BMP6: variants seen among roughly 807,000 people sequenced by gnomAD.
The protein encoded by BMP6 is bone morphogenetic protein 6.
BMP6 carries 17 observed loss-of-function variants against 54.1 expected under a neutral mutation model. The ratio of observed to expected loss-of-function variants is 0.31; its 90% CI spans 0.22 to 0.47. The LOEUF (loss-of-function observed/expected upper bound fraction) is 0.47, where lower values mean the gene tolerates loss of function less well. Ranked by LOEUF, BMP6 falls within the 20% of genes least tolerant of loss-of-function variation. The pLI is 1.00. For synonymous variants in BMP6, 328 were observed against 291.2 expected, an observed-to-expected ratio of 1.13 and a Z score of -1.28; for missense variants, 720 against 690.4, an observed-to-expected ratio of 1.04 and a Z score of -0.48.
chr6:7,864,055 G>A (rs1420498905), intron 4 of BMP6, among the ~76,000 whole-genome samples: 1 of 151,892 alleles, frequency 6.6e-6, no homozygotes, highest in Non-Finnish European at 1.5e-5. Context: ...TTTAGGAAGT[G>A]GCATGGAAGT....
At chr6:7,865,676 A>C (rs1759410221) in intron 4 of BMP6, among the ~76,000 whole-genome samples, 1 of 152,132 alleles carries the variant, frequency 6.6e-6, no homozygotes, top group Non-Finnish European at 1.5e-5. Flanking sequence ...AACCAGGTAG[A>C]CATTACAGTA....
chr6:7,783,428 G>T (rs1242816915), intron 1 of BMP6, among the ~76,000 whole-genome samples: 3 of 152,208 alleles, frequency 2.0e-5, no homozygotes, highest in Non-Finnish European at 4.4e-5. Context: ...GGTCTGAAAA[G>T]TCTTAACTAT....
At chr6:7,802,027 T>C (rs1758276666) in intron 1 of BMP6, among the ~76,000 whole-genome samples, 1 of 152,128 alleles carries the variant, frequency 6.6e-6, no homozygotes, top group Admixed American at 6.5e-5. Context: ...ATCCAGAGGG[T>C]ACATTCCAAA....
In BMP6 at chr6:7,880,424, TTGGAGG is replaced by T; in HGVS notation, c.*85_*90del. ...GCCTTAAAAAAACACGGAAGCACAGTTGGAGGTGGGACGATGAGACTTTGAAACTAT... is the reference window on the plus strand; with the variant it reads ...GCCTTAAAAAAACACGGAAGCACAGTTGGGACGATGAGACTTTGAAACTAT... On this transcript the variant is annotated 3_prime_UTR_variant, in exon 7 of 7. Transcript: ENST00000283147. 2.6e-6 allele frequency: 4 copies of T among 1,568,436 alleles called. No individual in the cohort carries two copies. The South Asian group carries it at 4.5e-5, about 18-fold the overall frequency.
chr6:7,810,319 G>A (rs958222870), intron 1 of BMP6, among the ~76,000 whole-genome samples: 8 of 152,176 alleles, frequency 5.3e-5, no homozygotes, highest in South Asian at 4.1e-4. Flanking sequence ...TTAAAGCTCC[G>A]AGGGGTATGA....
At chr6:7,767,221 G>A (rs181781612) in intron 1 of BMP6, among the ~76,000 whole-genome samples, 2 of 152,060 alleles carry the variant, frequency 1.3e-5, no homozygotes, top group Admixed American at 6.6e-5. Flanking sequence ...TGATCCACCC[G>A]CCTTGGCCTC....
chr6:7,824,675 C>A (rs530376008), intron 1 of BMP6, among the ~76,000 whole-genome samples: 1 of 152,034 alleles, frequency 6.6e-6, no homozygotes, highest in Non-Finnish European at 1.5e-5. Context: ...TCTGATAATC[C>A]CAAAAGCTTA....
chr6:7,837,099 C>T (rs1011845732), intron 1 of BMP6, among the ~76,000 whole-genome samples: 1 of 152,138 alleles, frequency 6.6e-6, no homozygotes, highest in African/African-American at 2.4e-5. Context: ...CTAAATTAAC[C>T]AGAGAGTAAG....
intron 1 of BMP6, among the ~76,000 whole-genome samples, chr6:7,765,769 T>C (rs975740633): frequency 6.6e-5 from 10 of 152,242 alleles, no homozygotes; most frequent in African/African-American, 2.4e-4. Context: ...TGGATTAAGA[T>C]CAAGGTGCCG....
intron 1 of BMP6, among the ~76,000 whole-genome samples, chr6:7,736,233 T>G (rs1275233075): frequency 3.3e-5 from 5 of 152,214 alleles, no homozygotes; most frequent in African/African-American, 9.6e-5. Flanking sequence ...CAGGCAGAGA[T>G]ATGAGTGATT....
intron 1 of BMP6, among the ~76,000 whole-genome samples, chr6:7,764,330 G>A (rs533384430): frequency 6.6e-6 from 1 of 152,206 alleles, no homozygotes; most frequent in South Asian, 2.1e-4. Context: ...TCTTTTTCTC[G>A]ACTAATTTTA....
chr6:7,789,684 C>G (rs555521051), intron 1 of BMP6, among the ~76,000 whole-genome samples: 54 of 152,212 alleles, frequency 3.5e-4, no homozygotes, highest in Admixed American at 1.1e-3. Context: ...TGACGGCTTC[C>G]TTTCTGGAAG....
intron 1 of BMP6, among the ~76,000 whole-genome samples, chr6:7,752,086 T>A (rs1014649064): frequency 6.6e-6 from 1 of 152,218 alleles, no homozygotes; most frequent in Non-Finnish European, 1.5e-5. Context: ...TTAAAACTTA[T>A]TGGTCCTTGG....
intron 1 of BMP6, among the ~76,000 whole-genome samples, chr6:7,782,565 C>A (rs1440295499): frequency 6.6e-6 from 1 of 152,056 alleles, no homozygotes; most frequent in Non-Finnish European, 1.5e-5. Flanking sequence ...ATAAAACAGG[C>A]CAGGTGAGGT....
At chr6:7,866,018 C>T (rs1759416241) in intron 4 of BMP6, among the ~76,000 whole-genome samples, 2 of 152,226 alleles carry the variant, frequency 1.3e-5, no homozygotes, top group African/African-American at 2.4e-5. Flanking sequence ...GGCCAGGAGC[C>T]CCACCACCCA....
intron 1 of BMP6, among the ~76,000 whole-genome samples, chr6:7,803,043 A>C (rs1010516519): frequency 6.6e-6 from 1 of 152,196 alleles, no homozygotes; most frequent in African/African-American, 2.4e-5. Flanking sequence ...CTGGGAAGAA[A>C]AACACTTGAA....
intron 1 of BMP6, among the ~76,000 whole-genome samples, chr6:7,736,164 T>C (rs927474135): frequency 1.3e-5 from 2 of 152,208 alleles, no homozygotes; most frequent in Non-Finnish European, 2.9e-5. Flanking sequence ...TTTAAAAATC[T>C]TTTTTCCTCC....
chr6:7,857,704 A>G (rs1330254517), intron 2 of BMP6, among the ~76,000 whole-genome samples: 1 of 152,230 alleles, frequency 6.6e-6, no homozygotes, highest in Non-Finnish European at 1.5e-5. Flanking sequence ...ACACTTTTAC[A>G]GTCCGCAGAC....
At chr6:7,876,711 T>G (rs1759624157) in intron 4 of BMP6, among the ~76,000 whole-genome samples, 1 of 152,248 alleles carries the variant, frequency 6.6e-6, no homozygotes, top group African/African-American at 2.4e-5. Flanking sequence ...AATCTGATCT[T>G]TAGTTATATC....
Sources: gnomAD v4.1 joint callset for allele counts (sites outside exome capture counted in the v4.1 genomes callset) on GRCh38, gnomAD v4.1.1 for gene constraint, MANE v1.5 for transcripts, NCBI Gene and HGNC (gene_info 2026-07-23, HGNC 2026-07-21) for gene names.